Variants in ITGA10 observed in about 807,000 individuals in gnomAD.
ITGA10 encodes integrin alpha-10.
A neutral mutation model predicts 145.2 loss-of-function variants in ITGA10; 105 were observed. The ratio of observed to expected loss-of-function variants is 0.72; its 90% CI spans 0.62 to 0.85. The LOEUF (loss-of-function observed/expected upper bound fraction) is 0.85, where lower values mean the gene tolerates loss of function less well. ITGA10 is among the 40% of genes least tolerant of loss of function. ITGA10 has a pLI of 0.00. For synonymous variants in ITGA10, 506 were observed against 557.8 expected (o/e 0.91, Z 1.31); for missense variants, 1,317 against 1,444.5 (o/e 0.91, Z 1.43).
chr1:145,898,209 G>A lies in ITGA10; in HGVS notation c.2247C>T (p.Tyr749=), dbSNP rs1655719173. The A allele has an allele frequency of 6.2e-7, 1 of 1,609,984 alleles. No homozygotes were observed. Among genetic ancestry groups the A allele is most frequent in the Non-Finnish European group, 8.5e-7 (1 of 1,176,204 alleles). Residue 749 remains tyrosine, a synonymous_variant, in exon 18 of 30, where the codon TAC becomes TAT. Transcript: ENST00000369304. Reference sequence around the variant, plus strand: ...TCACAGTCAAGGCCACTGGCCGGAGGTAATCTGATGTATCCTGAAGGAAAA... The same window carrying A: ...TCACAGTCAAGGCCACTGGCCGGAGATAATCTGATGTATCCTGAAGGAAAA... ...LHFHVLDTSD[Y]LRPVALTVTF...
chr1:145,906,175 C>T, intron 5 of ITGA10: 1 of 464,822 alleles, frequency 2.2e-6, no homozygotes, highest in Non-Finnish European at 3.9e-6. Flanking sequence ...GTGATCTGCC[C>T]ACCTTGGCCT....
rs955998552 is a variant in ITGA10, at chr1:145,906,659, T to C, written c.366+74A>G. 9.0e-5 allele frequency: 123 copies of C among 1,373,500 alleles called. No homozygotes were observed. The Admixed American group carries it at 2.1e-3, about 24-fold the overall frequency. 85.1% of individuals were successfully genotyped at this position (1,373,500 alleles called of 1,614,324 possible). ...TCCTTGACCCCTCCACACAGACCAT[T>C]TTCCCTTACCACACTTCTCTTTTTT... On this transcript the variant is annotated intron_variant, in intron 4 of 29. Coordinates refer to ENST00000369304, the MANE Select transcript of ITGA10 (RefSeq NM_003637.5).
intron 23 of ITGA10, 37 bp from the exon 24 acceptor site, chr1:145,896,389 G>A (rs782792914): frequency 6.7e-7 from 1 of 1,490,802 alleles, no homozygotes; most frequent in South Asian, 1.1e-5. Flanking sequence ...CATGGTCACA[G>A]CCATAACACA....
chr1:145,906,894 T>C, intron 3 of ITGA10, 70 bp from the exon 4 acceptor site: 1 of 1,278,014 alleles, frequency 7.8e-7, no homozygotes, highest in Non-Finnish European at 1.1e-6. Context: ...TCATGTGATT[T>C]TGGAGGAGAA....
rs762301256 is a variant in ITGA10 at position 145,906,780 on chromosome 1, G to T, written c.319C>A (p.His107Asn). 103 of 1,613,734 alleles carry T rather than the reference G, an allele frequency of 6.4e-5. No individual in the cohort carries two copies. Among genetic ancestry groups the T allele is most frequent in the Non-Finnish European group, 8.4e-5 (99 of 1,179,820 alleles). The part of the protein sequence containing the change: ...GNSSHPAVNM[H>N]LGMSLLETDG... ...GTCTCTAACAGAGACATCCCCAGGTGCATATTCACAGCAGGATGAGATGAA... is the reference window on the plus strand; with the variant it reads ...GTCTCTAACAGAGACATCCCCAGGTTCATATTCACAGCAGGATGAGATGAA... The change falls in exon 4 of 30, where the codon CAC becomes AAC. Residue 107 changes from histidine to asparagine, a missense_variant. His to Asn is a moderately conservative substitution (Grantham distance 68). Transcript: ENST00000369304.
At position 145,904,827 on chromosome 1, in the gene ITGA10, A is replaced by G. The variant is rs1553750573; in HGVS notation, c.482-16T>C. ...GTTGGGCAGCCTAGAAGGAAGGAGA[A>G]CACTGAGGTAGAGGACACTGAGCTG... is the stretch of plus-strand genomic sequence containing the variant. On this transcript the variant is annotated splice_polypyrimidine_tract_variant and intron_variant, in intron 5 of 29. Coordinates refer to ENST00000369304, the MANE Select transcript of ITGA10 (RefSeq NM_003637.5). The G allele has an allele frequency of 6.2e-7, 1 of 1,612,676 alleles. No homozygotes were observed. Among genetic ancestry groups the G allele is most frequent in the Non-Finnish European group, 8.5e-7 (1 of 1,178,842 alleles).
intron 21 of ITGA10, 65 bp from the exon 22 acceptor site, chr1:145,897,152 A>T: frequency 6.4e-7 from 1 of 1,559,210 alleles, no homozygotes; most frequent in Non-Finnish European, 8.8e-7. Flanking sequence ...GAGGAACAGG[A>T]GCCCTTGTGC....
rs1656766960 is a variant in ITGA10, at chr1:145,904,109, T to A, written c.701A>T (p.Asn234Ile). 1.2e-6 allele frequency: 2 copies of A among 1,614,056 alleles called. No homozygotes were observed. Among genetic ancestry groups the A allele is most frequent in the Non-Finnish European group, 1.7e-6 (2 of 1,180,000 alleles). Residue 234 changes from asparagine (N) to isoleucine (I), a missense_variant, in exon 7 of 30, where the codon AAC becomes ATC. By Grantham distance (149) the Asn-to-Ile change is moderately radical (BLOSUM62 -3). Transcript: ENST00000369304. ...TKEEVVRAAK[N>I]LSRREGRETK... ...TTCTCGTCCCTCCCGCCGACTGAGG[T>A]TCTTTGCTGCTCTCACCACTTCTTC...
At position 145,896,791 on chromosome 1, in the gene ITGA10, C is replaced by T. The variant is rs1655472821; in HGVS notation, c.2812G>A (p.Glu938Lys). 2 of 1,613,796 alleles carry T rather than the reference C, an allele frequency of 1.2e-6. No individual in the cohort carries two copies. Among genetic ancestry groups the T allele is most frequent in the East Asian group, 2.2e-5 (1 of 44,870 alleles). Residue 938 changes from glutamate (E) to lysine (K), a missense_variant, in exon 23 of 30, where the codon GAG becomes AAG. Physicochemically the swap from Glu to Lys is moderately conservative, Grantham distance 56 (BLOSUM62 1). Coordinates refer to ENST00000369304, the MANE Select transcript of ITGA10 (RefSeq NM_003637.5). Reference protein sequence around the residue: ...TAQTSAYIQYEPHLLFSSEST... With the variant: ...TAQTSAYIQYKPHLLFSSEST... ...TACCTAGAGAACAGGAGGTGGGGCT[C>T]ATATTGGATGTAGGCTGAGGTCTGG...
At chr1:145,906,851 G>T in intron 3 of ITGA10, 27 bp from the exon 4 acceptor site, 1 of 1,506,876 alleles carries the variant, frequency 6.6e-7, no homozygotes, top group South Asian at 1.1e-5. Flanking sequence ...GGAAGAGAAT[G>T]AGATCATGGG....
intron 5 of ITGA10, among the ~76,000 whole-genome samples, chr1:145,905,070 C>CACACACACACACACG (rs1553750640): frequency 8.3e-4 from 126 of 151,422 alleles, no homozygotes; most frequent in African/African-American, 2.9e-3. Flanking sequence ...ACACACACAC[C>CACACACACACACACG]TACACATTTA....
chr1:145,893,388 G>T, intron 28 of ITGA10, 114 bp from the exon 29 acceptor site: 2 of 960,170 alleles, frequency 2.1e-6, no homozygotes, highest in East Asian at 2.5e-5. Context: ...GCTACTTAAA[G>T]GAAAGAAACT....
chr1:145,897,968 A>G, intron 18 of ITGA10, 68 bp from the exon 19 acceptor site: 1 of 1,425,930 alleles, frequency 7.0e-7, no homozygotes, highest in Non-Finnish European at 9.9e-7. Context: ...ATAGGGGGAA[A>G]GTGAAAAGAC....
intron 15 of ITGA10, 125 bp from the exon 16 acceptor site, chr1:145,899,466 C>T (rs1655925685): frequency 2.0e-6 from 2 of 1,005,674 alleles, no homozygotes; most frequent in Non-Finnish European, 3.0e-6. Context: ...TGTCACCCTC[C>T]CCCGAACCCT....
Position 145,901,982 on chromosome 1 carries a change from C to T in ITGA10, c.1189G>A (p.Gly397Arg), listed in dbSNP as rs1656393944. ...LFGMVGAYDW[G>R]GSVLWLEGGH... ...CCTTCAAGCCATAGCACAGAGCCTC[C>T]CCAGTCATAGGCCCCCACCATCCCA... The change falls in exon 11 of 30, where the codon GGA (glycine) becomes AGA (arginine). Residue 397 changes from glycine (G) to arginine (R), a missense_variant. By Grantham distance (125) the Gly-to-Arg change is moderately radical (BLOSUM62 -2). Transcript: ENST00000369304. This position sits in a 1 kb window ranked among gnomAD's most constrained non-coding sequence, Gnocchi z 4.3. The T allele has an allele frequency of 6.2e-7, 1 of 1,614,098 alleles. No individual in the cohort carries two copies. Among genetic ancestry groups the T allele is most frequent in the Non-Finnish European group, 8.5e-7 (1 of 1,180,012 alleles).
At chr1:145,909,309 A>C (rs1382352101) in intron 1 of ITGA10, among the ~76,000 whole-genome samples, 1 of 151,186 alleles carries the variant, frequency 6.6e-6, no homozygotes, top group Non-Finnish European at 1.5e-5. Context: ...CAAAAAAAAA[A>C]ATTAGCTGTG....
In ITGA10 at chr1:145,901,499, T is replaced by G. The variant is rs1471218550; in HGVS notation, c.1443+17A>C. 2 of 1,549,780 alleles carry G rather than the reference T, an allele frequency of 1.3e-6. No individual in the cohort carries two copies. The highest frequency in any genetic ancestry group is 2.8e-5 in the African/African-American group (2 of 72,406). Reference sequence around the variant, plus strand: ...CCCTGGGAATCCAAAGGTCCCACCCTTCCTTGGATGCCCTACCTGCTCCCC... The same window carrying G: ...CCCTGGGAATCCAAAGGTCCCACCCGTCCTTGGATGCCCTACCTGCTCCCC... On this transcript the variant is annotated intron_variant, in intron 12 of 29. Coordinates refer to ENST00000369304, the MANE Select transcript of ITGA10 (RefSeq NM_003637.5). This position sits in a 1 kb window ranked among gnomAD's most constrained non-coding sequence, Gnocchi z 4.3.
intron 22 of ITGA10, 58 bp downstream of exon 22, chr1:145,896,953 C>A (rs1304452976): frequency 1.4e-5 from 21 of 1,554,648 alleles, no homozygotes; most frequent in Non-Finnish European, 1.9e-5. Flanking sequence ...CCTCCCCACC[C>A]CTCCAGTCAA....
At position 145,891,830 on chromosome 1, in the gene ITGA10, GC is replaced by G. The variant is rs1457510572; in HGVS notation, c.*967del. ...ACTCCACACTTTTAGATCCCATGGG[GC>G]TGCTGCTTCCCAAAGCTGGTAAAGT... On this transcript the variant is annotated 3_prime_UTR_variant, in exon 30 of 30. Transcript: ENST00000369304. The G allele has an allele frequency of 6.6e-6, 1 of 152,258 alleles. No homozygotes were observed. Among genetic ancestry groups the G allele is most frequent in the East Asian group, 1.9e-4 (1 of 5,198 alleles). The allele number at this position is 152,258 out of a possible 1,614,324, so 9.4% of individuals were successfully genotyped here. A position where few individuals can be genotyped will look rare whatever the true frequency, so the allele number is the denominator to read the frequency against.
Sources: gnomAD v4.1 joint callset for allele counts (sites outside exome capture counted in the v4.1 genomes callset) on GRCh38, gnomAD v4.1.1 for gene constraint, Gnocchi (gnomAD v3.1) non-coding constraint, MANE v1.5 for transcripts, NCBI Gene and HGNC (gene_info 2026-07-23, HGNC 2026-07-21) for gene names.